Variants in TUFT1 observed in about 807,000 individuals in gnomAD.
The protein encoded by TUFT1 is tuftelin.
TUFT1 carries 43 observed loss-of-function variants against 57.8 expected under a neutral mutation model. That is an observed-to-expected ratio of 0.74 (90% confidence interval 0.58 to 0.96). TUFT1 has a LOEUF of 0.96. Ranked by LOEUF, TUFT1 falls within the 40% of genes least tolerant of loss-of-function variation. TUFT1 has a pLI of 0.00. For missense variants in TUFT1, 459 were observed against 489.0 expected, an observed-to-expected ratio of 0.94 and a Z score of 0.58; for synonymous variants, 166 against 176.7, an observed-to-expected ratio of 0.94 and a Z score of 0.48.
chr1:151,555,735 C>A (rs1324346459), intron 1 of TUFT1, among the ~76,000 whole-genome samples: 1 of 148,012 alleles, frequency 6.8e-6, no homozygotes, highest in African/African-American at 2.5e-5. Flanking sequence ...TGAGATGGTG[C>A]CATTGCACTC....
chr1:151,556,522 C>G (rs566611224), intron 1 of TUFT1, among the ~76,000 whole-genome samples: 2 of 152,088 alleles, frequency 1.3e-5, no homozygotes, highest in Non-Finnish European at 2.9e-5. Context: ...AATCCTCCCA[C>G]CTCAACCTCC....
chr1:151,574,453 G>A, intron 8 of TUFT1, 55 bp downstream of exon 8: 1 of 1,604,438 alleles, frequency 6.2e-7, no homozygotes, highest in Non-Finnish European at 8.5e-7. Flanking sequence ...GAAGGGGCCT[G>A]CAGGTGGATC....
chr1:151,563,680 T>C (rs967045315), intron 3 of TUFT1, among the ~76,000 whole-genome samples: 3 of 152,202 alleles, frequency 2.0e-5, no homozygotes, highest in African/African-American at 7.2e-5. Context: ...AATACAGCTA[T>C]ATAGCATTGA....
chr1:151,557,708 T>C (rs1442127227), intron 1 of TUFT1: 1 of 807,686 alleles, frequency 1.2e-6, no homozygotes, highest in Non-Finnish European at 2.2e-6. Context: ...CCCCGGAGAT[T>C]GTGCCTGCCA....
intron 1 of TUFT1, among the ~76,000 whole-genome samples, chr1:151,548,347 G>A (rs1245238805): frequency 7.2e-6 from 1 of 138,634 alleles, no homozygotes; most frequent in Non-Finnish European, 1.5e-5. Context: ...TCTGTCACCA[G>A]GCTGGAGTAC....
At chr1:151,548,268 G>T (rs1259176553) in intron 1 of TUFT1, among the ~76,000 whole-genome samples, 1 of 151,792 alleles carries the variant, frequency 6.6e-6, no homozygotes, top group African/African-American at 2.4e-5. Flanking sequence ...GTTACAAGGG[G>T]CTGGCTATTC....
chr1:151,559,970 A>G (rs1172492918), intron 1 of TUFT1, among the ~76,000 whole-genome samples: 2 of 151,210 alleles, frequency 1.3e-5, no homozygotes, highest in Non-Finnish European at 2.9e-5. Flanking sequence ...ATTTTTTTGT[A>G]TTTTTGGTAG....
At chr1:151,562,399 T>C (rs1665924672) in intron 2 of TUFT1, 186 bp from the exon 3 acceptor site, 1 of 646,442 alleles carries the variant, frequency 1.5e-6, no homozygotes, top group Non-Finnish European at 2.7e-6. Context: ...GCCGGTGTTC[T>C]TGCTGCTGTG....
chr1:151,571,023 A>G (rs367744297), intron 7 of TUFT1, among the ~76,000 whole-genome samples: 17 of 152,318 alleles, frequency 1.1e-4, no homozygotes, highest in African/African-American at 4.1e-4. Flanking sequence ...CAGTTTTCCA[A>G]CTGCTCTGTG....
At chr1:151,572,221 A>G (rs919695502) in intron 7 of TUFT1, among the ~76,000 whole-genome samples, 4 of 122,180 alleles carry the variant, frequency 3.3e-5, no homozygotes, top group Non-Finnish European at 7.6e-5. Flanking sequence ...AATATGGTAC[A>G]TAAATAATTT....
chr1:151,576,667 C>G lies in TUFT1; in HGVS notation c.818+1662C>G, dbSNP rs1286389628. On this transcript the variant is annotated intron_variant, in intron 9 of 12. Transcript: ENST00000368849. ...TTATTTTTCGAGACGGAGTCTCACT[C>G]TGTCGCCCAGGCTGGAGTGCAGTGG... Among the ~76,000 whole-genome samples, 3 of 152,212 alleles carry G rather than the reference C, an allele frequency of 2.0e-5. No individual in the cohort carries two copies. In the South Asian group the frequency reaches 6.2e-4, roughly 32 times the overall value.
chr1:151,566,463 G>T (rs952493313), intron 6 of TUFT1, among the ~76,000 whole-genome samples: 1 of 152,160 alleles, frequency 6.6e-6, no homozygotes, highest in African/African-American at 2.4e-5. Context: ...TCTTTCTAGG[G>T]CAGTGCTTCT....
intron 7 of TUFT1, among the ~76,000 whole-genome samples, chr1:151,570,085 C>G (rs568634084): frequency 3.3e-5 from 5 of 152,298 alleles, no homozygotes; most frequent in African/African-American, 1.2e-4. Context: ...AATCCCTGGG[C>G]TCTTGAGACT....
rs375392592 is a variant in TUFT1 at position 151,574,311 on chromosome 1, T to G, written c.636T>G (p.Asn212Lys). The change falls in exon 8 of 13, where the codon AAT becomes AAG. Residue 212 changes from asparagine to lysine, a missense_variant. Asn to Lys is a moderately conservative substitution (Grantham distance 94). Coordinates refer to ENST00000368849, the MANE Select transcript of TUFT1 (RefSeq NM_020127.3). ...ACCAGAGGGAAGCAGAACAAAGTAA[T>G]GTGGCCCTTCAGAGAGAGGAGGACA... is the stretch of plus-strand genomic sequence containing the variant. The part of the protein sequence containing the change: ...SRYQREAEQS[N>K]VALQREEDRV... 39 of 1,613,988 alleles carry G rather than the reference T, an allele frequency of 2.4e-5. No individual in the cohort carries two copies. In the African/African-American group the frequency reaches 4.5e-4, roughly 19 times the overall value.
At chr1:151,571,876 A>C (rs1180313836) in intron 7 of TUFT1, among the ~76,000 whole-genome samples, 1 of 152,126 alleles carries the variant, frequency 6.6e-6, no homozygotes, top group Non-Finnish European at 1.5e-5. Context: ...ACCCCATAGT[A>C]TGCAGGACCA....
At chr1:151,550,431 G>A (rs1016505284) in intron 1 of TUFT1, among the ~76,000 whole-genome samples, 6 of 152,054 alleles carry the variant, frequency 3.9e-5, no homozygotes, top group Admixed American at 1.3e-4. Flanking sequence ...TGCAGCCTCC[G>A]CCCCTTGGGT....
rs555942280 is a variant in TUFT1 at position 151,550,567 on chromosome 1, A to G, written c.60+10141A>G. On this transcript the variant is annotated intron_variant, in intron 1 of 12. Coordinates refer to ENST00000368849, the MANE Select transcript of TUFT1 (RefSeq NM_020127.3). Reference sequence around the variant, plus strand: ...ACCATGTTGACCAGGTTGGTCTCAAACTCCAGACCTCAAGTGATCTGCCTG... The same window carrying G: ...ACCATGTTGACCAGGTTGGTCTCAAGCTCCAGACCTCAAGTGATCTGCCTG... Among the ~76,000 whole-genome samples the G allele has an allele frequency of 1.4e-4, 21 of 151,092 alleles. No individual in the cohort carries two copies. In the East Asian group the frequency reaches 3.5e-3, roughly 26 times the overall value.
chr1:151,566,112 G>A, intron 5 of TUFT1, 51 bp from the exon 6 acceptor site: 1 of 1,214,964 alleles, frequency 8.2e-7, no homozygotes, highest in Non-Finnish European at 1.1e-6. Flanking sequence ...ATGTTTCAAA[G>A]TTGGTTGCTT....
At chr1:151,551,346 G>C (rs1315600268) in intron 1 of TUFT1, among the ~76,000 whole-genome samples, 1 of 151,894 alleles carries the variant, frequency 6.6e-6, no homozygotes, top group Non-Finnish European at 1.5e-5. Flanking sequence ...ATATTTTTTT[G>C]AGAACCTATT....
Sources: allele counts gnomAD v4.1 joint callset (sites outside exome capture counted in the v4.1 genomes callset), GRCh38; gene constraint gnomAD v4.1.1; transcripts MANE v1.5; gene names NCBI Gene and HGNC (gene_info 2026-07-23, HGNC 2026-07-21).